NRXN1: variants seen among roughly 807,000 people sequenced by gnomAD.
The protein encoded by NRXN1 is neurexin-1.
NRXN1 carries 39 observed loss-of-function variants against 150.9 expected under a neutral mutation model. The observed-to-expected ratio is 0.26, with a 90% CI of 0.20 to 0.34. The LOEUF is 0.34. NRXN1 is among the 10% of genes least tolerant of loss of function. NRXN1 has a pLI of 1.00. For missense variants in NRXN1, 1,815 were observed against 1,949.9 expected (o/e 0.93, Z 1.30); for synonymous variants, 924 against 757.0 (o/e 1.22, Z -3.62).
intron 5 of NRXN1, among the ~76,000 whole-genome samples, chr2:50,770,794 G>C (rs539389393): frequency 2.0e-5 from 3 of 152,158 alleles, no homozygotes; most frequent in South Asian, 2.1e-4. Flanking sequence ...CTGGTAGAGA[G>C]AGAGTAAAGT....
chr2:50,433,972 A>G (rs924385118), intron 17 of NRXN1, among the ~76,000 whole-genome samples: 6 of 147,968 alleles, frequency 4.1e-5, no homozygotes, highest in Non-Finnish European at 8.9e-5. Flanking sequence ...TTTATGTTTC[A>G]CTTAGGTTCT....
intron 17 of NRXN1, among the ~76,000 whole-genome samples, chr2:50,252,898 T>C (rs550385766): frequency 8.5e-5 from 13 of 152,332 alleles, no homozygotes; most frequent in African/African-American, 3.1e-4. Context: ...ATACAGATTC[T>C]TTTTTGGTTC....
At chr2:50,877,425 C>A (rs1023379994) in intron 5 of NRXN1, among the ~76,000 whole-genome samples, 10 of 151,932 alleles carry the variant, frequency 6.6e-5, no homozygotes, top group African/African-American at 2.4e-4. Context: ...GCAGCTGAGA[C>A]TTTTTCTCTG....
At chr2:50,366,178 A>G (rs1447150386) in intron 17 of NRXN1, among the ~76,000 whole-genome samples, 2 of 144,816 alleles carry the variant, frequency 1.4e-5, no homozygotes, top group Non-Finnish European at 1.5e-5. Flanking sequence ...TTACATCCAG[A>G]GTTGGATTTG....
chr2:50,747,546 T>A (rs1168481547), intron 5 of NRXN1, among the ~76,000 whole-genome samples: 2 of 151,992 alleles, frequency 1.3e-5, no homozygotes, highest in Non-Finnish European at 2.9e-5. Flanking sequence ...CCCAAGCCAA[T>A]CCAGAGGGTG....
chr2:50,924,413 A>G (rs1686552698), intron 3 of NRXN1, among the ~76,000 whole-genome samples: 2 of 151,894 alleles, frequency 1.3e-5, no homozygotes, highest in South Asian at 4.1e-4. Context: ...GTGAAAAGAG[A>G]GAAGCATTCA....
chr2:50,380,819 C>T (rs2080904069), intron 17 of NRXN1, among the ~76,000 whole-genome samples: 1 of 152,122 alleles, frequency 6.6e-6, no homozygotes, highest in Admixed American at 6.6e-5. Context: ...TTTTCTACCT[C>T]CTGTCTTCTC....
intron 18 of NRXN1, among the ~76,000 whole-genome samples, chr2:50,226,380 G>A (rs1416445895): frequency 6.6e-6 from 1 of 151,908 alleles, no homozygotes; most frequent in Non-Finnish European, 1.5e-5. Flanking sequence ...GTAGAATAAT[G>A]ATTATGTAGT....
intron 5 of NRXN1, among the ~76,000 whole-genome samples, chr2:50,727,834 G>A (rs1697578292): frequency 6.6e-6 from 1 of 152,090 alleles, no homozygotes; most frequent in Non-Finnish European, 1.5e-5. Context: ...AGAAAGGTGG[G>A]TAGATGAGGG....
intron 21 of NRXN1, among the ~76,000 whole-genome samples, chr2:49,945,509 G>A (rs1672735554): frequency 6.6e-6 from 1 of 151,538 alleles, no homozygotes; most frequent in Non-Finnish European, 1.5e-5. Context: ...TCTACATTAG[G>A]TATTTCTCCT....
rs1677788159 is a variant in NRXN1 at position 50,871,586 on chromosome 2, T to C, written c.832+50283A>G. On this transcript the variant is annotated intron_variant, in intron 5 of 22. Transcript: ENST00000401669. The stretch of plus-strand genomic sequence containing the variant: ...CACAGGCCACATTGTTAGATCTAGA[T>C]ATGTTTAAGGACATCTCTGCTGCTA... Among the ~76,000 whole-genome samples the C allele has an allele frequency of 1.3e-5, 2 of 151,904 alleles. 1 individual carries two copies. Among genetic ancestry groups the C allele is most frequent in the Admixed American group, 1.3e-4 (2 of 15,226 alleles).
At chr2:50,636,520 A>G (rs1683264352) in intron 5 of NRXN1, among the ~76,000 whole-genome samples, 1 of 152,180 alleles carries the variant, frequency 6.6e-6, no homozygotes, top group Non-Finnish European at 1.5e-5. Flanking sequence ...ATTGAAGCCC[A>G]ATTCTGTGCC....
intron 2 of NRXN1, among the ~76,000 whole-genome samples, chr2:51,012,527 T>C (rs1668042982): frequency 6.6e-6 from 1 of 152,026 alleles, no homozygotes; most frequent in African/African-American, 2.4e-5. Flanking sequence ...TATACTATAA[T>C]TAATAGTGAG....
chr2:50,208,230 G>C (rs2062755575), intron 18 of NRXN1, among the ~76,000 whole-genome samples: 1 of 152,044 alleles, frequency 6.6e-6, no homozygotes, highest in Non-Finnish European at 1.5e-5. Flanking sequence ...CCCTCATCCA[G>C]TGGGCAGACC....
At chr2:50,931,866 A>AT (rs903945503) in intron 2 of NRXN1, among the ~76,000 whole-genome samples, 31 of 149,328 alleles carry the variant, frequency 2.1e-4, no homozygotes, top group Admixed American at 6.0e-4. Flanking sequence ...TTAAAATATT[A>AT]TTTTTTTTTT....
At chr2:50,063,547 G>GACACACACAC (rs3046664) in intron 19 of NRXN1, among the ~76,000 whole-genome samples, 1,544 of 137,570 alleles carry the variant, frequency 0.011, 30 homozygotes, top group African/African-American at 0.031. Context: ...CACCTCAACA[G>GACACACACAC]ACACACACAC....
At chr2:50,703,600 C>A (rs1238653961) in intron 5 of NRXN1, among the ~76,000 whole-genome samples, 1 of 152,068 alleles carries the variant, frequency 6.6e-6, no homozygotes, top group Non-Finnish European at 1.5e-5. Flanking sequence ...GTAGAGAAAC[C>A]CATGGAGTGC....
At chr2:50,113,834 G>C (rs1702683273) in intron 18 of NRXN1, among the ~76,000 whole-genome samples, 1 of 152,108 alleles carries the variant, frequency 6.6e-6, no homozygotes, top group Non-Finnish European at 1.5e-5. Context: ...CCAAGTTTCA[G>C]TTATTATTAT....
intron 2 of NRXN1, among the ~76,000 whole-genome samples, chr2:50,991,400 G>A (rs996897531): frequency 1.7e-4 from 26 of 151,708 alleles, no homozygotes; most frequent in Admixed American, 6.6e-5. Flanking sequence ...CAAAATGGAT[G>A]CTTGTGATGA....
Sources: allele counts gnomAD v4.1 joint callset (sites outside exome capture counted in the v4.1 genomes callset), GRCh38; gene constraint gnomAD v4.1.1; transcripts MANE v1.5; gene names NCBI Gene and HGNC (gene_info 2026-07-23, HGNC 2026-07-21).